The following UGT8 variants were observed in gnomAD, a reference collection of about 807,000 sequenced individuals.
UGT8 encodes 2-hydroxyacylsphingosine 1-beta-galactosyltransferase.
A neutral mutation model predicts 40.5 loss-of-function variants in UGT8; 12 were observed. That is an observed-to-expected ratio of 0.30 (90% confidence interval 0.19 to 0.48). The LOEUF (loss-of-function observed/expected upper bound fraction) is 0.48. Ranked by LOEUF, UGT8 falls within the 20% of genes least tolerant of loss-of-function variation. The pLI is 0.99. For missense variants in UGT8, 513 were observed against 648.7 expected, an observed-to-expected ratio of 0.79 and a Z score of 2.27; for synonymous variants, 224 against 240.4, an observed-to-expected ratio of 0.93 and a Z score of 0.63.
intron 1 of UGT8, among the ~76,000 whole-genome samples, chr4:114,606,391 C>T (rs1485490912): frequency 6.6e-6 from 1 of 152,128 alleles, no homozygotes; most frequent in Non-Finnish European, 1.5e-5. Flanking sequence ...CTAGGGGCTC[C>T]ACAGCAGGCC....
rs556588197 is a variant in UGT8, at chr4:114,678,040, G to C, written c.*1752G>C. On this transcript the variant is annotated 3_prime_UTR_variant, in exon 6 of 6. Coordinates refer to ENST00000310836, the MANE Select transcript of UGT8 (RefSeq NM_001128174.3). ...TTCACAATCTTATTACGATGTTGCCGTTAAAAGGGAAAAAAGACACAGGCA... is the reference window on the plus strand; with the variant it reads ...TTCACAATCTTATTACGATGTTGCCCTTAAAAGGGAAAAAAGACACAGGCA... 1.3e-5 allele frequency: 2 copies of C among 152,118 alleles called. No individual in the cohort carries two copies. Among genetic ancestry groups the C allele is most frequent in the Admixed American group, 1.3e-4 (2 of 15,272 alleles). 9.4% of individuals were successfully genotyped at this position (152,118 alleles called of 1,614,324 possible). A position where few individuals can be genotyped will look rare whatever the true frequency, so the allele number is the denominator to read the frequency against.
At chr4:114,660,658 C>T (rs1734460599) in intron 2 of UGT8, among the ~76,000 whole-genome samples, 1 of 151,910 alleles carries the variant, frequency 6.6e-6, no homozygotes, top group Non-Finnish European at 1.5e-5. Context: ...TTTGGGAGGC[C>T]AAGACGGGCA....
intron 2 of UGT8, among the ~76,000 whole-genome samples, chr4:114,632,778 G>A (rs1368926487): frequency 1.3e-5 from 2 of 152,150 alleles, no homozygotes; most frequent in African/African-American, 4.8e-5. Flanking sequence ...TTCCTAGTAC[G>A]ACAGTACTTG....
chr4:114,665,656 C>T (rs1244451504), intron 3 of UGT8, 24 bp from the exon 4 acceptor site: 1 of 1,580,222 alleles, frequency 6.3e-7, no homozygotes. Flanking sequence ...TTTTAAAAGA[C>T]TAATTGTCTG....
intron 2 of UGT8, among the ~76,000 whole-genome samples, chr4:114,660,906 A>AAG (rs1560703725): frequency 4.7e-5 from 7 of 149,680 alleles, no homozygotes; most frequent in Admixed American, 6.6e-5. Flanking sequence ...AAAAAAAAAA[A>AAG]AAAATTATAA....
intron 1 of UGT8, among the ~76,000 whole-genome samples, chr4:114,600,423 A>G (rs1730373029): frequency 6.6e-6 from 1 of 152,086 alleles, no homozygotes; most frequent in African/African-American, 2.4e-5. Flanking sequence ...GTCTATATTC[A>G]CTCAAAATTG....
intron 3 of UGT8, 51 bp downstream of exon 3, chr4:114,664,188 T>C (rs753922910): frequency 2.5e-6 from 4 of 1,593,078 alleles, no homozygotes; most frequent in African/African-American, 2.7e-5. Flanking sequence ...CAATATCTCC[T>C]TGTTTAGTGC....
At chr4:114,651,139 G>A (rs547907867) in intron 2 of UGT8, among the ~76,000 whole-genome samples, 3 of 152,116 alleles carry the variant, frequency 2.0e-5, no homozygotes, top group Admixed American at 6.6e-5. Context: ...TGAGACCTTT[G>A]CCAGCATAGT....
intron 4 of UGT8, 113 bp from the exon 5 acceptor site, chr4:114,667,972 C>G: frequency 6.8e-7 from 1 of 1,465,054 alleles, no homozygotes; most frequent in Non-Finnish European, 9.0e-7. Context: ...CTTTAGGAAT[C>G]CTTTATCTGA....
intron 2 of UGT8, among the ~76,000 whole-genome samples, chr4:114,640,251 C>T (rs1000217455): frequency 5.3e-5 from 8 of 151,908 alleles, no homozygotes; most frequent in Middle Eastern, 3.2e-3. Context: ...AGGATGGTCT[C>T]GATCTCCTGA....
At chr4:114,606,290 AATGAGT>A (rs1225751602) in intron 1 of UGT8, among the ~76,000 whole-genome samples, 11 of 152,150 alleles carry the variant, frequency 7.2e-5, no homozygotes, top group Admixed American at 5.9e-4. Context: ...CTAGCAACGG[AATGAGT>A]GATTCAGTGG....
chr4:114,666,796 T>G (rs1464450767), intron 4 of UGT8, among the ~76,000 whole-genome samples: 1 of 152,160 alleles, frequency 6.6e-6, no homozygotes, highest in Admixed American at 6.6e-5. Flanking sequence ...TCTCCTCAAG[T>G]CCATAGCTGC....
intron 1 of UGT8, among the ~76,000 whole-genome samples, chr4:114,601,830 T>TTG (rs1730461350): frequency 7.8e-6 from 1 of 127,548 alleles, no homozygotes; most frequent in African/African-American, 3.6e-5. Flanking sequence ...TCTTTTTATG[T>TTG]TTTTTTTTTT....
chr4:114,647,430 A>G (rs1161604027), intron 2 of UGT8, among the ~76,000 whole-genome samples: 1 of 147,692 alleles, frequency 6.8e-6, no homozygotes, highest in East Asian at 2.0e-4. Context: ...CAGTGGCGCT[A>G]TCTCAGCTCA....
At chr4:114,665,644 A>AT (rs752430716) in intron 3 of UGT8, 36 bp from the exon 4 acceptor site, 16 of 1,557,640 alleles carry the variant, frequency 1.0e-5, no homozygotes, top group Admixed American at 6.0e-5. Flanking sequence ...GTAAGGTTTG[A>AT]TTTTTAAAAG....
At position 114,675,994 on chromosome 4, in the gene UGT8, T is replaced by TATC; in HGVS notation, c.1333_1335dup (p.Ile445dup). ...AACCTGGTCACCCTGTCAATCGAAC[T>TATC]ATCTATTGGATAGATTATATTATTC... is the stretch of plus-strand genomic sequence containing the variant. On this transcript the variant is annotated inframe_insertion, in exon 6 of 6. Transcript: ENST00000310836. 6.2e-7 allele frequency: 1 copy of TATC among 1,614,182 alleles called. No homozygotes were observed. Among genetic ancestry groups the TATC allele is most frequent in the Non-Finnish European group, 8.5e-7 (1 of 1,180,018 alleles).
intron 1 of UGT8, among the ~76,000 whole-genome samples, chr4:114,621,773 C>G (rs1032025171): frequency 1.9e-4 from 29 of 152,114 alleles, no homozygotes; most frequent in Admixed American, 1.4e-3. Flanking sequence ...TTTACTGATT[C>G]AATTTTCTTC....
chr4:114,628,023 C>G (rs1228000369), intron 2 of UGT8, among the ~76,000 whole-genome samples: 1 of 152,124 alleles, frequency 6.6e-6, no homozygotes, highest in East Asian at 1.9e-4. Context: ...ATAGGTGATT[C>G]AGTTAGTGCA....
At chr4:114,649,499 G>A (rs879931260) in intron 2 of UGT8, among the ~76,000 whole-genome samples, 1 of 152,160 alleles carries the variant, frequency 6.6e-6, no homozygotes, top group Non-Finnish European at 1.5e-5. Context: ...AGGGTGGTAT[G>A]ACAATGCTGA....
Sources: allele counts gnomAD v4.1 joint callset (sites outside exome capture counted in the v4.1 genomes callset), GRCh38; gene constraint gnomAD v4.1.1; transcripts MANE v1.5; gene names NCBI Gene and HGNC (gene_info 2026-07-23, HGNC 2026-07-21).